Variants in PLCG2 observed in about 807,000 individuals in gnomAD.
The protein encoded by PLCG2 is phospholipase C gamma 2.
A neutral mutation model predicts 175.6 loss-of-function variants in PLCG2; 69 were observed. That is an observed-to-expected ratio of 0.39 (90% CI 0.32 to 0.48). The LOEUF (loss-of-function observed/expected upper bound fraction) is 0.48. Ranked by LOEUF, PLCG2 falls within the 20% of genes least tolerant of loss-of-function variation. The pLI is 0.91. For missense variants in PLCG2, 1,798 were observed against 1,650.9 expected, an observed-to-expected ratio of 1.09 and a Z score of -1.54; for synonymous variants, 827 against 624.0, an observed-to-expected ratio of 1.33 and a Z score of -4.85.
At chr16:81,795,909 C>G (rs1012427731) in intron 2 of PLCG2, among the ~76,000 whole-genome samples, 1 of 152,220 alleles carries the variant, frequency 6.6e-6, no homozygotes, top group Non-Finnish European at 1.5e-5. Context: ...TGACCAAGTG[C>G]AAGGGATGCT....
At position 81,756,797 on chromosome 16, in the gene PLCG2, A is replaced by C. The variant is rs550684961; in HGVS notation, c.-48+831A>C. ...GTTTGAGCCTAGATGTGTCTACTGC[A>C]CAGCCTGGCTCTTCAGTGAGCTTGC... On this transcript the variant is annotated intron_variant, in intron 2 of 5. Coordinates refer to the PLCG2 transcript ENST00000565054. Among the ~76,000 whole-genome samples the C allele has an allele frequency of 5.9e-5, 9 of 152,324 alleles. No individual in the cohort carries two copies. In the South Asian group the frequency reaches 8.3e-4, roughly 14 times the overall value.
intron 17 of PLCG2, among the ~76,000 whole-genome samples, chr16:81,909,868 C>T (rs1046428344): frequency 1.9e-4 from 29 of 152,084 alleles, no homozygotes; most frequent in Non-Finnish European, 4.0e-4. Flanking sequence ...CCTGTCAGAC[C>T]GCTGGGGTAG....
intron 2 of PLCG2, among the ~76,000 whole-genome samples, chr16:81,807,843 G>C (rs907980792): frequency 1.3e-5 from 2 of 152,164 alleles, no homozygotes; most frequent in Non-Finnish European, 2.9e-5. Flanking sequence ...AGGAGCAAGA[G>C]AGAGAGGGAG....
chr16:81,778,073 C>CCCAAAAAAAAA (rs1910528369), upstream of PLCG2, among the ~76,000 whole-genome samples: 1 of 72,058 alleles, frequency 1.4e-5, no homozygotes, highest in African/African-American at 6.4e-5. Context: ...ACCAAAAACA[C>CCCAAAAAAAAA]ACACACACAA....
chr16:81,861,939 G>A (rs1293197440), intron 5 of PLCG2, among the ~76,000 whole-genome samples: 1 of 152,206 alleles, frequency 6.6e-6, no homozygotes, highest in Non-Finnish European at 1.5e-5. Flanking sequence ...TTTCTGGACT[G>A]AGTTCATCCC....
chr16:81,949,272 G>C (rs1295390802), intron 31 of PLCG2, among the ~76,000 whole-genome samples: 3 of 152,174 alleles, frequency 2.0e-5, no homozygotes, highest in Non-Finnish European at 4.4e-5. Flanking sequence ...TGCTGCTTCT[G>C]AGGGCCCACT....
intron 5 of PLCG2, among the ~76,000 whole-genome samples, chr16:81,866,892 C>G (rs1422244237): frequency 6.6e-6 from 1 of 152,258 alleles, no homozygotes; most frequent in Non-Finnish European, 1.5e-5. Flanking sequence ...TTGGACCACT[C>G]CCAGGGCTGA....
At chr16:81,775,007 A>C (rs766997338), upstream of PLCG2, among the ~76,000 whole-genome samples, 1 of 152,132 alleles carries the variant, frequency 6.6e-6, no homozygotes, top group Non-Finnish European at 1.5e-5. Flanking sequence ...TAGCCTCCCA[A>C]ATAGCTGAGA....
intron 2 of PLCG2, among the ~76,000 whole-genome samples, chr16:81,758,863 A>C (rs530197203): frequency 6.6e-6 from 1 of 152,240 alleles, no homozygotes; most frequent in East Asian, 1.9e-4. Context: ...TTTTTAGTAG[A>C]GACGGGGTTT....
intron 2 of PLCG2, among the ~76,000 whole-genome samples, chr16:81,771,012 T>G (rs1429943722): frequency 6.7e-6 from 1 of 150,360 alleles, no homozygotes; most frequent in African/African-American, 2.5e-5. Flanking sequence ...GAGCCGAGAT[T>G]ATGCCCCTGC....
intron 8 of PLCG2, among the ~76,000 whole-genome samples, chr16:81,883,062 C>G (rs993070996): frequency 1.2e-4 from 19 of 152,148 alleles, no homozygotes; most frequent in African/African-American, 4.3e-4. Context: ...CCTTGAGATT[C>G]CGATGTCAGG....
chr16:81,927,809 A>T (rs887306505), intron 23 of PLCG2, among the ~76,000 whole-genome samples: 1 of 152,194 alleles, frequency 6.6e-6, no homozygotes, highest in Admixed American at 6.5e-5. Flanking sequence ...GTTCAACAGC[A>T]AGAGACTGGC....
At chr16:81,891,337 C>G in intron 10 of PLCG2, 135 bp from the exon 11 acceptor site, 3 of 664,138 alleles carry the variant, frequency 4.5e-6, no homozygotes, top group Non-Finnish European at 8.4e-6. Flanking sequence ...ACGTGGGTAA[C>G]TGAGGTCTGG....
intron 2 of PLCG2, among the ~76,000 whole-genome samples, chr16:81,838,568 A>G (rs1054449565): frequency 2.4e-4 from 37 of 151,658 alleles, no homozygotes; most frequent in African/African-American, 7.7e-4. Flanking sequence ...ATGAGAACAC[A>G]TGGACAGAGG....
chr16:81,849,771 C>CAAAAAAAAAA (rs34130863), intron 2 of PLCG2, among the ~76,000 whole-genome samples: 2 of 83,150 alleles, frequency 2.4e-5, no homozygotes, highest in African/African-American at 6.2e-5. Context: ...AACTCTGTCT[C>CAAAAAAAAAA]AAAAAAAAAA....
chr16:81,954,017 G>T (rs911385410), intron 31 of PLCG2, among the ~76,000 whole-genome samples: 2 of 152,002 alleles, frequency 1.3e-5, no homozygotes, highest in Non-Finnish European at 2.9e-5. Flanking sequence ...ACTTAAATGG[G>T]GTTTTCATTT....
chr16:81,871,486 G>C (rs1907512715), intron 7 of PLCG2, among the ~76,000 whole-genome samples: 1 of 152,066 alleles, frequency 6.6e-6, no homozygotes. Context: ...TTGCAGACGT[G>C]CGCCACCACG....
chr16:81,812,513 T>G (rs1904363433), intron 2 of PLCG2, among the ~76,000 whole-genome samples: 1 of 152,224 alleles, frequency 6.6e-6, no homozygotes, highest in South Asian at 2.1e-4. Flanking sequence ...TTCATATCCT[T>G]TGTCCACTTT....
At chr16:81,935,936 T>G in intron 26 of PLCG2, 1 of 985,230 alleles carries the variant, frequency 1.0e-6, no homozygotes, top group Non-Finnish European at 1.2e-6. Context: ...TTACAGTAAT[T>G]CTAGCCTAAA....
Sources: allele counts gnomAD v4.1 joint callset (sites outside exome capture counted in the v4.1 genomes callset), GRCh38; gene constraint gnomAD v4.1.1; transcripts MANE v1.5; gene names NCBI Gene and HGNC (gene_info 2026-07-23, HGNC 2026-07-21).